CLTA: variants seen among roughly 807,000 people sequenced by gnomAD.
CLTA encodes the protein clathrin, light polypeptide (Lca).
A neutral mutation model predicts 26.9 loss-of-function variants in CLTA; 9 were observed. That is an observed-to-expected ratio of 0.33 (90% CI 0.20 to 0.58). CLTA has a LOEUF of 0.58. CLTA is among the 20% of genes least tolerant of loss of function. CLTA has a pLI of 0.85. For missense variants in CLTA, 278 were observed against 294.2 expected (o/e 0.94, Z 0.40); for synonymous variants, 120 against 115.5 (o/e 1.04, Z -0.25).
At chr9:36,192,698 A>G (rs1424740675) in intron 1 of CLTA, among the ~76,000 whole-genome samples, 1 of 152,174 alleles carries the variant, frequency 6.6e-6, no homozygotes, top group African/African-American at 2.4e-5. Flanking sequence ...ATAGAAGAGA[A>G]GCAATCCTAG....
intron 3 of CLTA, among the ~76,000 whole-genome samples, chr9:36,199,335 G>T (rs1827261032): frequency 6.6e-6 from 1 of 152,162 alleles, no homozygotes; most frequent in Non-Finnish European, 1.5e-5. Context: ...GCATAGTGAT[G>T]CTGCTCCTGA....
chr9:36,205,299 G>T (rs1827649916), intron 4 of CLTA, among the ~76,000 whole-genome samples: 1 of 152,166 alleles, frequency 6.6e-6, no homozygotes, highest in Non-Finnish European at 1.5e-5. Context: ...AGTCCCACAG[G>T]ACTGCTCTCT....
In CLTA at chr9:36,191,010, T is replaced by C. The variant is rs1163005057; in HGVS notation, c.-47T>C. The stretch of plus-strand genomic sequence containing the variant: ...GCCGGGCGTGGTGTCGGTGGGTCGG[T>C]TGGTTTTTGTCTCACCGTTGGTGTC... On this transcript the variant is annotated 5_prime_UTR_variant, in exon 1 of 5. Transcript: ENST00000345519. 6.8e-7 allele frequency: 1 copy of C among 1,470,072 alleles called. No individual in the cohort carries two copies. Among genetic ancestry groups the C allele is most frequent in the African/African-American group, 1.5e-5 (1 of 67,860 alleles). The allele number at this position is 1,470,072 out of a possible 1,614,324, so 91.1% of individuals were successfully genotyped here. A position where few individuals can be genotyped will look rare whatever the true frequency, so the allele number is the denominator to read the frequency against.
In CLTA at chr9:36,198,874, CAAAAAAAAAA is replaced by C. The variant is rs374265014; in HGVS notation, c.256-96_256-87del. The C allele has an allele frequency of 1.4e-4, 63 of 455,810 alleles. 1 individual carries two copies. Among genetic ancestry groups the C allele is most frequent in the Middle Eastern group, 6.0e-4 (1 of 1,672 alleles). 28.2% of individuals were successfully genotyped at this position (455,810 alleles called of 1,614,324 possible). A position where few individuals can be genotyped will look rare whatever the true frequency, so the allele number is the denominator to read the frequency against. ...GGCGACAAGAGTGAAAACTCTGTCT[CAAAAAAAAAA>C]AAAAAAAACAGAACCAGGGGTTCTA... On this transcript the variant is annotated intron_variant, in intron 2 of 4. Transcript: ENST00000345519.
At chr9:36,197,620 G>A (rs1554651208) in intron 2 of CLTA, 32 bp downstream of exon 2, 1 of 1,520,388 alleles carries the variant, frequency 6.6e-7, no homozygotes, top group South Asian at 1.2e-5. Context: ...TTCATTGATA[G>A]TGATTGAGAA....
intron 3 of CLTA, among the ~76,000 whole-genome samples, chr9:36,201,046 C>G (rs1410925269): frequency 1.3e-5 from 2 of 152,120 alleles, no homozygotes; most frequent in Non-Finnish European, 2.9e-5. Flanking sequence ...TTTTTCTTCT[C>G]CATGGAGAGA....
intron 4 of CLTA, chr9:36,209,173 G>A: frequency 6.7e-7 from 1 of 1,496,838 alleles, no homozygotes; most frequent in Non-Finnish European, 9.3e-7. Context: ...GAGCACAGTT[G>A]TACCTCAATT....
chr9:36,201,299 C>T (rs1378840361), intron 3 of CLTA, among the ~76,000 whole-genome samples: 1 of 152,150 alleles, frequency 6.6e-6, no homozygotes, highest in East Asian at 1.9e-4. Context: ...GAACCGGTGC[C>T]AGTGGTTTTC....
chr9:36,202,513 C>A (rs1827476213), intron 3 of CLTA, among the ~76,000 whole-genome samples: 1 of 152,240 alleles, frequency 6.6e-6, no homozygotes, highest in African/African-American at 2.4e-5. Flanking sequence ...TCTAGGCTTG[C>A]CTCCCTTTCT....
At chr9:36,196,245 T>C (rs1827021255) in intron 1 of CLTA, among the ~76,000 whole-genome samples, 1 of 151,128 alleles carries the variant, frequency 6.6e-6, no homozygotes, top group South Asian at 2.1e-4. Context: ...ATTGCACCAC[T>C]GTACTCTAGC....
chr9:36,196,208 A>G (rs1827019979), intron 1 of CLTA, among the ~76,000 whole-genome samples: 1 of 151,226 alleles, frequency 6.6e-6, no homozygotes, highest in African/African-American at 2.4e-5. Flanking sequence ...TGAACAACCC[A>G]GGAGGTGGAG....
At chr9:36,209,401 A>G (rs1827913077) in intron 4 of CLTA, 1 of 1,141,202 alleles carries the variant, frequency 8.8e-7, no homozygotes, top group African/African-American at 1.5e-5. Context: ...TTATGTCACA[A>G]GTTGCTTTGC....
chr9:36,202,819 T>C (rs76808215), intron 3 of CLTA, among the ~76,000 whole-genome samples: 13 of 135,398 alleles, frequency 9.6e-5, no homozygotes, highest in Middle Eastern at 3.4e-3. Context: ...CATGTATTTC[T>C]TTTTTTTTTT....
At chr9:36,209,186 G>A in intron 4 of CLTA, 1 of 1,563,168 alleles carries the variant, frequency 6.4e-7, no homozygotes, top group Non-Finnish European at 8.8e-7. Context: ...CCTCAATTGT[G>A]GATTTTAGAT....
intron 4 of CLTA, among the ~76,000 whole-genome samples, chr9:36,210,895 T>A (rs1309671470): frequency 6.6e-6 from 1 of 152,134 alleles, no homozygotes; most frequent in East Asian, 1.9e-4. Context: ...ACCAGTTAAT[T>A]CCGAACTGGG....
At chr9:36,192,672 TA>T (rs11302667) in intron 1 of CLTA, among the ~76,000 whole-genome samples, 57,414 of 151,986 alleles carry the variant, frequency 0.38, 12,193 homozygotes, top group African/African-American at 0.58. Context: ...ACCCTTAGTT[TA>T]ACCTTCCTCA....
chr9:36,211,702 C>T lies in CLTA; in HGVS notation c.585C>T (p.Ser195=), dbSNP rs761153665. 6.2e-7 allele frequency: 1 copy of T among 1,614,108 alleles called. No individual in the cohort carries two copies. The highest frequency in any genetic ancestry group is 8.5e-7 in the Non-Finnish European group (1 of 1,179,956). Residue 195 remains serine (S), a synonymous_variant, in exon 5 of 5, where the codon AGC becomes AGT. Transcript: ENST00000345519. ...TGTGTGACTTTAACCCCAAGTCTAG[C>T]AAGCAGGCCAAAGATGTCTCCCGCA... ...ARLCDFNPKS[S]KQAKDVSRMR... is the part of the protein sequence containing the mutation.
At chr9:36,209,023 A>G (rs1827885100) in intron 4 of CLTA, among the ~76,000 whole-genome samples, 1 of 152,202 alleles carries the variant, frequency 6.6e-6, no homozygotes, top group Non-Finnish European at 1.5e-5. Flanking sequence ...GGGGTGAGCC[A>G]AAGGGATGAA....
Position 36,191,260 on chromosome 9 carries a change from G to C in CLTA, c.204G>C (p.Pro68=). 6.5e-7 allele frequency: 1 copy of C among 1,526,788 alleles called. No homozygotes were observed. The highest frequency in any genetic ancestry group is 8.8e-7 in the Non-Finnish European group (1 of 1,141,848). The allele number at this position is 1,526,788 out of a possible 1,614,324, so 94.6% of individuals were successfully genotyped here. A position where few individuals can be genotyped will look rare whatever the true frequency, so the allele number is the denominator to read the frequency against. ...GAPGPQPHGE[P]PGGPDAVDGV... is the part of the protein sequence containing the mutation. ...CCGGGCCCCAGCCGCACGGCGAGCC[G>C]CCGGGGGGTCCGGGTGAGAGTGCGG... The change falls in exon 1 of 5, where the codon CCG becomes CCC. Residue 68 remains proline, a synonymous_variant. Coordinates refer to ENST00000345519, the MANE Select transcript of CLTA (RefSeq NM_001833.4).
Sources: gnomAD v4.1 joint callset for allele counts (sites outside exome capture counted in the v4.1 genomes callset) on GRCh38, gnomAD v4.1.1 for gene constraint, MANE v1.5 for transcripts, NCBI Gene and HGNC (gene_info 2026-07-23, HGNC 2026-07-21) for gene names.